The following GPC5 variants were observed in gnomAD, a reference collection of about 807,000 sequenced individuals.
GPC5 encodes glypican-5.
Under a neutral mutation model 53.9 loss-of-function variants are expected in GPC5, and 47 were observed. That is an observed-to-expected ratio of 0.87 (90% CI 0.69 to 1.11). The LOEUF is 1.11. GPC5 is among the 50% of genes most tolerant of loss of function. The pLI, the probability that GPC5 is intolerant of heterozygous loss-of-function variation, is 0.00. For missense variants in GPC5, 748 were observed against 713.1 expected (o/e 1.05, Z -0.56); for synonymous variants, 286 against 263.3 (o/e 1.09, Z -0.84).
chr13:92,190,825 G>A (rs9560967), intron 7 of GPC5, among the ~76,000 whole-genome samples: 50,586 of 151,872 alleles, frequency 0.33, 9,810 homozygotes, highest in East Asian at 0.69. Flanking sequence ...AAGGGCATCA[G>A]ATAGAAAATT....
intron 7 of GPC5, among the ~76,000 whole-genome samples, chr13:92,710,650 A>C (rs1888102868): frequency 6.6e-6 from 1 of 152,172 alleles, no homozygotes; most frequent in Admixed American, 6.6e-5. Context: ...CTCGCTTAAC[A>C]CACTTATTTT....
At chr13:92,523,510 A>G (rs528161758) in intron 7 of GPC5, among the ~76,000 whole-genome samples, 34 of 152,268 alleles carry the variant, frequency 2.2e-4, no homozygotes, top group Admixed American at 2.0e-3. Flanking sequence ...TTGTAAATAC[A>G]TACACAGTTT....
Position 92,466,211 on chromosome 13 carries a change from T to C in GPC5, c.1561+321222T>C, listed in dbSNP as rs570858216. ...AAAAATATAAATATAGTAGTAATAG[T>C]AGTAGTATTTTTGTCTGCTAGAATA... On this transcript the variant is annotated intron_variant, in intron 7 of 7. Transcript: ENST00000377067. 4.6e-5 allele frequency among the ~76,000 whole-genome samples: 7 copies of C among 152,072 alleles called. No individual in the cohort carries two copies. The East Asian group carries it at 1.4e-3, about 29-fold the overall frequency.
At chr13:92,803,832 C>T (rs949188665) in intron 7 of GPC5, among the ~76,000 whole-genome samples, 1 of 151,914 alleles carries the variant, frequency 6.6e-6, no homozygotes, top group Non-Finnish European at 1.5e-5. Flanking sequence ...TTTCTCTTTA[C>T]AATGATTTGC....
intron 7 of GPC5, among the ~76,000 whole-genome samples, chr13:92,651,206 T>C (rs1885947296): frequency 6.7e-6 from 1 of 150,000 alleles, no homozygotes; most frequent in South Asian, 2.1e-4. Context: ...GTTCTATCCG[T>C]CTAAGAGAGA....
intron 7 of GPC5, among the ~76,000 whole-genome samples, chr13:92,419,681 A>G (rs1876474565): frequency 6.6e-6 from 1 of 152,184 alleles, no homozygotes; most frequent in Non-Finnish European, 1.5e-5. Flanking sequence ...AGCATACTGA[A>G]ATTTCTCCCT....
At chr13:91,934,924 G>A (rs2039855679) in intron 6 of GPC5, among the ~76,000 whole-genome samples, 1 of 151,890 alleles carries the variant, frequency 6.6e-6, no homozygotes, top group South Asian at 2.1e-4. Context: ...GAAAATAATA[G>A]ATACGCATAA....
At chr13:92,605,512 T>A (rs916101092) in intron 7 of GPC5, among the ~76,000 whole-genome samples, 1 of 152,190 alleles carries the variant, frequency 6.6e-6, no homozygotes, top group Non-Finnish European at 1.5e-5. Flanking sequence ...GTCTGTAGTT[T>A]ATCCCTTTGA....
intron 4 of GPC5, among the ~76,000 whole-genome samples, chr13:91,755,140 A>G (rs1330671819): frequency 6.6e-6 from 1 of 152,116 alleles, no homozygotes; most frequent in East Asian, 1.9e-4. Flanking sequence ...CAAACAAAAA[A>G]TAATAGGAGA....
intron 7 of GPC5, among the ~76,000 whole-genome samples, chr13:92,574,428 T>C (rs1324110785): frequency 1.3e-5 from 2 of 152,198 alleles, no homozygotes; most frequent in African/African-American, 2.4e-5. Flanking sequence ...TATTTTCACC[T>C]GAAGAGTTTC....
chr13:91,435,000 G>A (rs1183090965), intron 1 of GPC5, among the ~76,000 whole-genome samples: 2 of 152,160 alleles, frequency 1.3e-5, no homozygotes, highest in Non-Finnish European at 2.9e-5. Context: ...TCCGTTATTG[G>A]TGTATAAGAA....
intron 1 of GPC5, among the ~76,000 whole-genome samples, chr13:91,414,164 G>T (rs1878013326): frequency 6.6e-6 from 1 of 152,156 alleles, no homozygotes; most frequent in Admixed American, 6.5e-5. Context: ...CACGTGTTGT[G>T]GGAGGGACCC....
chr13:92,013,606 G>T (rs1006850319), intron 6 of GPC5, among the ~76,000 whole-genome samples: 2 of 152,150 alleles, frequency 1.3e-5, no homozygotes, highest in Non-Finnish European at 2.9e-5. Flanking sequence ...TGGGCCATGG[G>T]TTTCAGGCTA....
At chr13:91,918,398 T>TCTCC (rs1358801194) in intron 6 of GPC5, among the ~76,000 whole-genome samples, 1 of 152,146 alleles carries the variant, frequency 6.6e-6, no homozygotes, top group Non-Finnish European at 1.5e-5. Flanking sequence ...ATATGGAACA[T>TCTCC]CTCCTTAATA....
At chr13:91,600,214 C>A (rs1195070469) in intron 2 of GPC5, among the ~76,000 whole-genome samples, 1 of 152,104 alleles carries the variant, frequency 6.6e-6, no homozygotes, top group Non-Finnish European at 1.5e-5. Context: ...AGCCACAGCA[C>A]CCAGCCTACT....
chr13:92,436,191 G>C (rs1877297797), intron 7 of GPC5, among the ~76,000 whole-genome samples: 1 of 152,096 alleles, frequency 6.6e-6, no homozygotes, highest in Non-Finnish European at 1.5e-5. Context: ...GACTTATTTT[G>C]TTTGTGTTAT....
intron 7 of GPC5, among the ~76,000 whole-genome samples, chr13:92,296,672 C>T (rs549979307): frequency 1.2e-4 from 19 of 152,278 alleles, no homozygotes; most frequent in Non-Finnish European, 2.1e-4. Flanking sequence ...GAGGGAGAGG[C>T]GCGAGCGGGA....
intron 6 of GPC5, among the ~76,000 whole-genome samples, chr13:91,980,495 C>A (rs564189519): frequency 6.6e-6 from 1 of 152,270 alleles, no homozygotes; most frequent in East Asian, 1.9e-4. Context: ...CTCCCAACTT[C>A]CAGTCAATAC....
At chr13:92,740,707 G>T (rs1889059843) in intron 7 of GPC5, among the ~76,000 whole-genome samples, 1 of 151,796 alleles carries the variant, frequency 6.6e-6, no homozygotes, top group South Asian at 2.1e-4. Flanking sequence ...CATGGAGATT[G>T]TGGGGAATTT....
Sources: allele counts gnomAD v4.1 joint callset (sites outside exome capture counted in the v4.1 genomes callset), GRCh38; gene constraint gnomAD v4.1.1; transcripts MANE v1.5; gene names NCBI Gene and HGNC (gene_info 2026-07-23, HGNC 2026-07-21).